Variants in CSPP1 observed in about 807,000 individuals in gnomAD.
The protein encoded by CSPP1 is centrosome and spindle pole-associated protein 1.
CSPP1 carries 126 observed loss-of-function variants against 164.4 expected under a neutral mutation model. That is an observed-to-expected ratio of 0.77 (90% CI 0.66 to 0.89). CSPP1 has a LOEUF of 0.89. Ranked by LOEUF, CSPP1 falls within the 40% of genes least tolerant of loss-of-function variation. The pLI, the probability that CSPP1 is intolerant of heterozygous loss-of-function variation, is 0.00. For synonymous variants in CSPP1, 472 were observed against 476.7 expected (o/e 0.99, Z 0.13); for missense variants, 1,395 against 1,449.8 (o/e 0.96, Z 0.61).
intron 3 of CSPP1, among the ~76,000 whole-genome samples, chr8:67,081,431 T>G (rs1809162720): frequency 6.6e-6 from 1 of 152,156 alleles, no homozygotes; most frequent in Non-Finnish European, 1.5e-5. Flanking sequence ...TTAGTTCATA[T>G]AAGCTAATGA....
chr8:67,165,945 T>G (rs956292537), intron 24 of CSPP1, among the ~76,000 whole-genome samples: 4 of 152,240 alleles, frequency 2.6e-5, no homozygotes, highest in Non-Finnish European at 5.9e-5. Flanking sequence ...GAAAGACTTG[T>G]GTCTTCTTCC....
chr8:67,153,007 G>C (rs1825986995), intron 18 of CSPP1, among the ~76,000 whole-genome samples: 1 of 152,076 alleles, frequency 6.6e-6, no homozygotes, highest in Admixed American at 6.5e-5. Flanking sequence ...AGACCAGCCT[G>C]GCCAATGTGA....
At chr8:67,069,109 A>G (rs954015737) in intron 1 of CSPP1, 13 of 152,196 alleles carry the variant, frequency 8.5e-5, no homozygotes, top group Non-Finnish European at 1.9e-4. Flanking sequence ...CCACGATACC[A>G]CAGGGTTCCC....
At chr8:67,188,629 C>T (rs558672313) in intron 28 of CSPP1, among the ~76,000 whole-genome samples, 49 of 152,292 alleles carry the variant, frequency 3.2e-4, no homozygotes, top group South Asian at 1.7e-3. Context: ...ATGTTTGTTA[C>T]GGCTCGAGCT....
At chr8:67,068,552 T>C (rs1563471933) in intron 1 of CSPP1, among the ~76,000 whole-genome samples, 1 of 152,256 alleles carries the variant, frequency 6.6e-6, no homozygotes, top group Non-Finnish European at 1.5e-5. Context: ...TCTTACTCTA[T>C]ATTGTACCTA....
chr8:67,103,645 CAAAAAA>C (rs747059154), intron 8 of CSPP1, among the ~76,000 whole-genome samples: 1 of 128,468 alleles, frequency 7.8e-6, no homozygotes, highest in African/African-American at 2.9e-5. Flanking sequence ...ACTGAAAATA[CAAAAAA>C]AAAAAAGAAA....
chr8:67,106,971 C>T (rs192797876), intron 9 of CSPP1, among the ~76,000 whole-genome samples: 3 of 151,580 alleles, frequency 2.0e-5, no homozygotes, highest in Admixed American at 1.3e-4. Context: ...TTAATCAGTA[C>T]CATGTAAAGG....
chr8:67,189,933 A>G (rs779285333), intron 28 of CSPP1, among the ~76,000 whole-genome samples: 4 of 152,232 alleles, frequency 2.6e-5, no homozygotes, highest in Admixed American at 6.5e-5. Flanking sequence ...TAGAATGATT[A>G]TAAGCAAAAA....
At position 67,158,489 on chromosome 8, in the gene CSPP1, C is replaced by A. The variant is rs760013419; in HGVS notation, c.2284C>A (p.Leu762Met). ...KQREEAERER[L>M]RIAEEKEERR... ...AAGAGAGGAAGCAGAGCGAGAGAGA[C>A]TGAGAATTGCAGAAGAAAAAGAAGA... is the stretch of plus-strand genomic sequence containing the variant. The change falls in exon 20 of 31, where the codon CTG (leucine) becomes ATG (methionine). Residue 762 changes from leucine to methionine, a missense_variant. Leu to Met is a conservative substitution (Grantham distance 15). Coordinates refer to ENST00000678616, the MANE Select transcript of CSPP1 (RefSeq NM_001382391.1). 2.4e-5 allele frequency: 39 copies of A among 1,612,534 alleles called. No homozygotes were observed. In the Middle Eastern group the frequency reaches 8.2e-4, roughly 34 times the overall value.
At chr8:67,105,003 C>T (rs1322727179) in intron 8 of CSPP1, among the ~76,000 whole-genome samples, 5 of 49,158 alleles carry the variant, frequency 1.0e-4, no homozygotes, top group African/African-American at 1.5e-4. Flanking sequence ...ACTGGGGTAG[C>T]TGTTTTTTTA....
At chr8:67,156,369 A>G (rs2129559603) in intron 19 of CSPP1, among the ~76,000 whole-genome samples, 1 of 152,306 alleles carries the variant, frequency 6.6e-6, no homozygotes, top group South Asian at 2.1e-4. Flanking sequence ...ATTCACTAGG[A>G]AGTCTTTACC....
chr8:67,133,209 G>T (rs559407493), intron 16 of CSPP1, among the ~76,000 whole-genome samples: 2 of 152,270 alleles, frequency 1.3e-5, no homozygotes, highest in Non-Finnish European at 2.9e-5. Flanking sequence ...TGTGCATATG[G>T]TTATGAGTTT....
chr8:67,143,092 G>C (rs569462411), intron 17 of CSPP1, among the ~76,000 whole-genome samples: 1 of 151,304 alleles, frequency 6.6e-6, no homozygotes, highest in African/African-American at 2.4e-5. Context: ...TTTTCCTAAT[G>C]TCCTTATTGT....
chr8:67,082,181 G>A (rs1418121780), intron 3 of CSPP1, among the ~76,000 whole-genome samples: 2 of 152,204 alleles, frequency 1.3e-5, no homozygotes, highest in African/African-American at 4.8e-5. Flanking sequence ...CTGAGTAGCT[G>A]AGATTACAGG....
At chr8:67,124,313 A>G (rs1819629768) in intron 15 of CSPP1, among the ~76,000 whole-genome samples, 1 of 152,114 alleles carries the variant, frequency 6.6e-6, no homozygotes, top group Non-Finnish European at 1.5e-5. Context: ...TTGATATCTT[A>G]ATTTAAAATA....
At chr8:67,165,143 G>C (rs1284943964) in intron 24 of CSPP1, among the ~76,000 whole-genome samples, 4 of 152,136 alleles carry the variant, frequency 2.6e-5, no homozygotes, top group Non-Finnish European at 1.5e-5. Context: ...AATTAACTGG[G>C]TGTGGTGGCA....
intron 17 of CSPP1, among the ~76,000 whole-genome samples, chr8:67,143,314 C>CT (rs1000617582): frequency 1.3e-5 from 2 of 151,336 alleles, no homozygotes; most frequent in African/African-American, 2.4e-5. Flanking sequence ...CAGCTTTGTT[C>CT]TTTTTTTTCA....
At chr8:67,088,950 T>C (rs1811045147) in intron 4 of CSPP1, among the ~76,000 whole-genome samples, 1 of 150,884 alleles carries the variant, frequency 6.6e-6, no homozygotes, top group Middle Eastern at 3.4e-3. Context: ...TCCTTAAAAT[T>C]AGAGAGACAG....
chr8:67,117,904 T>C (rs983437927), intron 13 of CSPP1, among the ~76,000 whole-genome samples: 2 of 152,210 alleles, frequency 1.3e-5, no homozygotes, highest in Non-Finnish European at 2.9e-5. Context: ...TTATTTAATT[T>C]GCTTGTACTT....
Sources: allele counts gnomAD v4.1 joint callset (sites outside exome capture counted in the v4.1 genomes callset), GRCh38; gene constraint gnomAD v4.1.1; transcripts MANE v1.5; gene names NCBI Gene and HGNC (gene_info 2026-07-23, HGNC 2026-07-21).